Variants in ERCC6L2 observed in about 807,000 individuals in gnomAD.
ERCC6L2 encodes the protein ERCC excision repair 6 like 2, also known as DNA excision repair protein ERCC-6-like 2.
Under a neutral mutation model 132.0 loss-of-function variants are expected in ERCC6L2, and 77 were observed. The ratio of observed to expected loss-of-function variants is 0.58; its 90% CI spans 0.49 to 0.71. The LOEUF is 0.71. ERCC6L2 is among the 30% of genes least tolerant of loss of function. The pLI is 0.00. For synonymous variants in ERCC6L2, 583 were observed against 632.4 expected (o/e 0.92, Z 1.17); for missense variants, 1,542 against 1,837.6 (o/e 0.84, Z 2.94).
chr9:95,972,283 T>C lies in ERCC6L2; in HGVS notation c.2532T>C (p.Gly844=). 1 of 1,301,110 alleles carries C rather than the reference T, an allele frequency of 7.7e-7. No homozygotes were observed. The highest frequency in any genetic ancestry group is 1.0e-6 in the Non-Finnish European group (1 of 988,048). The allele number at this position is 1,301,110 out of a possible 1,614,324, so 80.6% of individuals were successfully genotyped here. The change falls in exon 16 of 19, where the codon GGT becomes GGC. Residue 844 remains glycine (G), a synonymous_variant. Transcript: ENST00000653738. ...AGCEKNQDSL[G]TSKHQKLDNI... is the part of the protein sequence containing the mutation. ...GTGAGAAAAATCAGGACTCTCTTGGTACTTCAAAACATCAGAAATTAGATA... is the reference window on the plus strand; with the variant it reads ...GTGAGAAAAATCAGGACTCTCTTGGCACTTCAAAACATCAGAAATTAGATA...
At chr9:96,021,053 A>G (rs564762080), downstream of ERCC6L2, 1 of 451,980 alleles carries the variant, frequency 2.2e-6, no homozygotes, top group East Asian at 7.0e-5. This position sits in a 1 kb window ranked among gnomAD's most constrained non-coding sequence, Gnocchi z 4.7. Flanking sequence ...GAACCCAGCT[A>G]GGGGGCACCG....
At chr9:96,031,250 T>TG (rs1834455396) in intron 19 of ERCC6L2, among the ~76,000 whole-genome samples, 1 of 152,074 alleles carries the variant, frequency 6.6e-6, no homozygotes, top group Non-Finnish European at 1.5e-5. Context: ...CAGGGTGAAG[T>TG]GGTGTGAATA....
In ERCC6L2 at chr9:95,970,587, A is replaced by G; in HGVS notation, c.2112A>G (p.Gln704=). 5.4e-6 allele frequency: 7 copies of G among 1,303,734 alleles called. No homozygotes were observed. The highest frequency in any genetic ancestry group is 7.1e-6 in the Non-Finnish European group (7 of 988,620). 80.8% of individuals were successfully genotyped at this position (1,303,734 alleles called of 1,614,324 possible). A position where few individuals can be genotyped will look rare whatever the true frequency, so the allele number is the denominator to read the frequency against. Residue 704 remains glutamine, a synonymous_variant, in exon 15 of 19, where the codon CAA becomes CAG. Coordinates refer to ENST00000653738, the MANE Select transcript of ERCC6L2 (RefSeq NM_020207.7). ...TACTGACATTATAGAGAGAAGGCCA[A>G]GTAGAAGCAGGGATCATGACAGCCA... The part of the protein sequence containing the change: ...LTKDILEREG[Q]VEAGIMTATT...
At chr9:95,941,716 A>C (rs189529901) in intron 12 of ERCC6L2, among the ~76,000 whole-genome samples, 167 bp downstream of exon 12, 5 of 152,298 alleles carry the variant, frequency 3.3e-5, no homozygotes, top group Admixed American at 3.3e-4. Context: ...ATAACAGTCC[A>C]AAAATAGCCA....
chr9:95,951,692 G>C (rs1054146629), intron 12 of ERCC6L2, among the ~76,000 whole-genome samples: 1 of 152,158 alleles, frequency 6.6e-6, no homozygotes, highest in Admixed American at 6.5e-5. Context: ...AAATTGAATA[G>C]TCTACGTGAA....
intron 19 of ERCC6L2, among the ~76,000 whole-genome samples, chr9:96,036,215 C>A (rs1834517566): frequency 6.6e-6 from 1 of 152,114 alleles, no homozygotes; most frequent in African/African-American, 2.4e-5. Context: ...CGCCCCCAGC[C>A]CCCAGCAACA....
chr9:95,999,717 A>G (rs1833592494), intron 17 of ERCC6L2, among the ~76,000 whole-genome samples: 1 of 151,410 alleles, frequency 6.6e-6, no homozygotes, highest in South Asian at 2.1e-4. Context: ...AATAAGCAAT[A>G]CCATCTCATC....
chr9:95,991,479 C>T (rs1398479402), intron 17 of ERCC6L2, among the ~76,000 whole-genome samples: 3 of 152,074 alleles, frequency 2.0e-5, no homozygotes, highest in Non-Finnish European at 4.4e-5. Context: ...TTTTATAGAA[C>T]ACCATTTGTA....
rs544179330 is a variant in ERCC6L2, at chr9:95,946,514, C to T, written c.1847+4965C>T. Among the ~76,000 whole-genome samples the T allele has an allele frequency of 8.6e-5, 13 of 151,946 alleles. No homozygotes were observed. In the East Asian group the frequency reaches 1.2e-3, roughly 14 times the overall value. The stretch of plus-strand genomic sequence containing the variant: ...CTGCATTCCAGCCTGGGTGACAGAG[C>T]GAGACTCCATCTCAAAAAAATAAAA... On this transcript the variant is annotated intron_variant, in intron 12 of 18. Coordinates refer to ENST00000653738, the MANE Select transcript of ERCC6L2 (RefSeq NM_020207.7).
At chr9:96,030,774 G>C (rs530450059) in intron 19 of ERCC6L2, among the ~76,000 whole-genome samples, 1 of 150,974 alleles carries the variant, frequency 6.6e-6, no homozygotes, top group Non-Finnish European at 1.5e-5. Flanking sequence ...CGAACCCACC[G>C]GAAGGAACAA....
At position 96,013,298 on chromosome 9, in the gene ERCC6L2, G is replaced by A. The variant is rs1834099874; in HGVS notation, c.*95G>A. On this transcript the variant is annotated 3_prime_UTR_variant, in exon 19 of 19. Coordinates refer to ENST00000653738, the MANE Select transcript of ERCC6L2 (RefSeq NM_020207.7). ...TTCTATTATCTTGAACACAGTTGTT[G>A]ACATATATTTTTATTAAATTATTGC... is the stretch of plus-strand genomic sequence containing the variant. 1 of 1,071,656 alleles carries A rather than the reference G, an allele frequency of 9.3e-7. No homozygotes were observed. The highest frequency in any genetic ancestry group is 1.2e-6 in the Non-Finnish European group (1 of 810,284). The allele number at this position is 1,071,656 out of a possible 1,614,324, so 66.4% of individuals were successfully genotyped here. A position where few individuals can be genotyped will look rare whatever the true frequency, so the allele number is the denominator to read the frequency against.
chr9:95,890,131 A>G (rs899663255), intron 2 of ERCC6L2, among the ~76,000 whole-genome samples: 1 of 152,200 alleles, frequency 6.6e-6, no homozygotes, highest in Non-Finnish European at 1.5e-5. Context: ...TGAATGATAG[A>G]AATAGCCTTT....
chr9:95,954,835 T>C (rs1831517882), intron 12 of ERCC6L2: 1 of 471,014 alleles, frequency 2.1e-6, no homozygotes, highest in African/African-American at 2.0e-5. Context: ...TGGTGCTGTG[T>C]CACAGGAGCC....
At chr9:95,930,839 A>G (rs1472357040) in intron 11 of ERCC6L2, among the ~76,000 whole-genome samples, 2 of 152,110 alleles carry the variant, frequency 1.3e-5, no homozygotes, top group South Asian at 4.1e-4. Flanking sequence ...AATGTGTGGT[A>G]TTAGCATTAG....
intron 17 of ERCC6L2, among the ~76,000 whole-genome samples, chr9:95,979,442 A>G (rs532366884): frequency 6.6e-6 from 1 of 152,330 alleles, no homozygotes; most frequent in Admixed American, 6.5e-5. Context: ...AAAGAAAAAA[A>G]TAACACTGGT....
intron 18 of ERCC6L2, among the ~76,000 whole-genome samples, chr9:96,009,730 A>G (rs1833969775): frequency 6.6e-6 from 1 of 152,260 alleles, no homozygotes; most frequent in Non-Finnish European, 1.5e-5. Flanking sequence ...AGAATTAGGA[A>G]AGCCAGTTAA....
intron 18 of ERCC6L2, among the ~76,000 whole-genome samples, chr9:96,009,605 G>A (rs1475193401): frequency 1.3e-5 from 2 of 152,124 alleles, no homozygotes; most frequent in Non-Finnish European, 2.9e-5. Flanking sequence ...CTTTCCCTAA[G>A]TGGGTTATGG....
chr9:95,877,843 G>T (rs1033114236), intron 1 of ERCC6L2, among the ~76,000 whole-genome samples: 3 of 151,872 alleles, frequency 2.0e-5, no homozygotes, highest in South Asian at 2.1e-4. Flanking sequence ...TAATAAATTC[G>T]CATGTTCACT....
chr9:95,897,732 C>T (rs916134850), intron 2 of ERCC6L2, 117 bp from the exon 3 acceptor site: 89 of 1,026,240 alleles, frequency 8.7e-5, no homozygotes, highest in Non-Finnish European at 1.3e-4. Flanking sequence ...TGTTCTATTT[C>T]CCCCAACAAA....
Sources: gnomAD v4.1 joint callset for allele counts (sites outside exome capture counted in the v4.1 genomes callset) on GRCh38, gnomAD v4.1.1 for gene constraint, Gnocchi (gnomAD v3.1) non-coding constraint, MANE v1.5 for transcripts, NCBI Gene and HGNC (gene_info 2026-07-23, HGNC 2026-07-21) for gene names.